Variants in TEAD1 observed in about 807,000 individuals in gnomAD.
TEAD1 encodes the protein transcriptional enhancer factor TEF-1.
TEAD1 carries 9 observed loss-of-function variants against 54.9 expected under a neutral mutation model. That is an observed-to-expected ratio of 0.16 (90% CI 0.10 to 0.29). The LOEUF is 0.29. Among genes scored for constraint, TEAD1 ranks in the 10% least tolerant of loss-of-function variants. The pLI is 1.00. For missense variants in TEAD1, 387 were observed against 535.9 expected (o/e 0.72, Z 2.74); for synonymous variants, 200 against 187.8 (o/e 1.07, Z -0.53).
intron 2 of TEAD1, among the ~76,000 whole-genome samples, chr11:12,732,985 A>G (rs943714516): frequency 6.6e-6 from 1 of 152,214 alleles, no homozygotes; most frequent in African/African-American, 2.4e-5. Flanking sequence ...CCAGAATTCA[A>G]GAGCTCTGAT....
intron 10 of TEAD1, among the ~76,000 whole-genome samples, chr11:12,909,516 GC>G (rs760765648): frequency 6.6e-6 from 1 of 150,554 alleles, no homozygotes; most frequent in Non-Finnish European, 1.5e-5. Flanking sequence ...ACATACCAGG[GC>G]CTGTTGCGGG....
chr11:12,724,503 G>T (rs1022929323), intron 2 of TEAD1, among the ~76,000 whole-genome samples: 1 of 152,212 alleles, frequency 6.6e-6, no homozygotes, highest in Non-Finnish European at 1.5e-5. Context: ...GGGGCAGGCC[G>T]CTGGCAAATT....
intron 3 of TEAD1, among the ~76,000 whole-genome samples, chr11:12,810,079 C>G (rs35202269): frequency 0.072 from 10,356 of 143,712 alleles, 506 homozygotes; most frequent in Non-Finnish European, 0.11. Flanking sequence ...CTCCTGGGTT[C>G]AAGCAGTTCT....
intron 3 of TEAD1, among the ~76,000 whole-genome samples, chr11:12,811,538 G>C (rs1182751877): frequency 6.6e-6 from 1 of 152,206 alleles, no homozygotes; most frequent in Non-Finnish European, 1.5e-5. Flanking sequence ...TCTTCTCCAA[G>C]GTCTGTGTGA....
intron 2 of TEAD1, among the ~76,000 whole-genome samples, chr11:12,748,314 T>C (rs1392096543): frequency 1.3e-5 from 2 of 152,124 alleles, no homozygotes; most frequent in Non-Finnish European, 2.9e-5. Context: ...AGCAAAAGTT[T>C]TTTGAGTTCC....
In TEAD1 at chr11:12,883,068, C is replaced by G. The variant is rs1948003206; in HGVS notation, c.642C>G (p.Thr214=). The G allele has an allele frequency of 6.2e-7, 1 of 1,614,210 alleles. No individual in the cohort carries two copies. The stretch of plus-strand genomic sequence containing the variant: ...GGCAAGGTCGCTCCATTGGCACAAC[C>G]AAGCTTCGCCTGGTGGAATTTTCAG... Residue 214 remains threonine, a synonymous_variant, in exon 9 of 13, where the codon ACC becomes ACG. Transcript: ENST00000527636.
At chr11:12,819,525 C>G (rs1024354038) in intron 3 of TEAD1, among the ~76,000 whole-genome samples, 1 of 152,114 alleles carries the variant, frequency 6.6e-6, no homozygotes, top group African/African-American at 2.4e-5. Flanking sequence ...TCTCGGCTCA[C>G]TGCAAGCTCC....
At chr11:12,776,289 C>T (rs918563031) in intron 3 of TEAD1, among the ~76,000 whole-genome samples, 3 of 152,168 alleles carry the variant, frequency 2.0e-5, no homozygotes, top group South Asian at 2.1e-4. Flanking sequence ...GAAAGGAAGA[C>T]GTCCACATCC....
At chr11:12,758,532 T>G (rs1334053313) in intron 2 of TEAD1, among the ~76,000 whole-genome samples, 1 of 149,308 alleles carries the variant, frequency 6.7e-6, no homozygotes, top group East Asian at 2.0e-4. Context: ...CACCTCAGCC[T>G]CCTGAGTAGC....
chr11:12,860,681 A>G (rs1329021873), intron 3 of TEAD1, among the ~76,000 whole-genome samples: 1 of 152,350 alleles, frequency 6.6e-6, no homozygotes, highest in African/African-American at 2.4e-5. Context: ...TGCTAGGGGG[A>G]CATTGAGGAA....
chr11:12,680,927 T>C (rs1352128933), intron 2 of TEAD1, among the ~76,000 whole-genome samples: 1 of 152,188 alleles, frequency 6.6e-6, no homozygotes, highest in Non-Finnish European at 1.5e-5. Flanking sequence ...AGCTTATCAA[T>C]AGCATTTTGA....
At chr11:12,857,361 ATGT>A (rs1050455736) in intron 3 of TEAD1, among the ~76,000 whole-genome samples, 9 of 152,182 alleles carry the variant, frequency 5.9e-5, no homozygotes, top group African/African-American at 1.9e-4. Flanking sequence ...AAGAGGTGAC[ATGT>A]TGTGCATTTC....
At chr11:12,923,328 C>T (rs1036142068) in intron 10 of TEAD1, among the ~76,000 whole-genome samples, 12 of 152,284 alleles carry the variant, frequency 7.9e-5, no homozygotes, top group Non-Finnish European at 1.6e-4. Flanking sequence ...GCCTAAGCCT[C>T]GTCTTCTTTC....
intron 9 of TEAD1, among the ~76,000 whole-genome samples, chr11:12,892,368 A>C (rs943962160): frequency 6.6e-6 from 1 of 152,150 alleles, no homozygotes; most frequent in African/African-American, 2.4e-5. Context: ...AGCCGGGCGC[A>C]GTGGTTCATG....
At chr11:12,804,414 T>G (rs1443883011) in intron 3 of TEAD1, among the ~76,000 whole-genome samples, 1 of 152,196 alleles carries the variant, frequency 6.6e-6, no homozygotes, top group Non-Finnish European at 1.5e-5. Flanking sequence ...AAAACTATAG[T>G]TTATACAATG....
At chr11:12,882,113 G>T (rs535267075) in intron 8 of TEAD1, among the ~76,000 whole-genome samples, 156 bp downstream of exon 8, 1 of 152,310 alleles carries the variant, frequency 6.6e-6, no homozygotes, top group South Asian at 2.1e-4. Context: ...TAGCTCAGGA[G>T]GGCCACAGGG....
At chr11:12,766,970 C>G (rs886449272) in intron 3 of TEAD1, among the ~76,000 whole-genome samples, 5 of 152,088 alleles carry the variant, frequency 3.3e-5, no homozygotes, top group Non-Finnish European at 7.4e-5. Flanking sequence ...AAACATCCCC[C>G]CTGAACTCCC....
chr11:12,902,066 C>A lies in TEAD1; in HGVS notation c.826C>A (p.Leu276Met). ...TGAAAAGAAAGGTGGCTTAAAGGAA[C>A]TGTTTGGAAAGGGCCCTCAAAATGC... Residue 276 changes from leucine (L) to methionine (M), a missense_variant, in exon 10 of 13, where the codon CTG (leucine) becomes ATG (methionine). By Grantham distance (15) the Leu-to-Met change is conservative. This residue lies in a region of TEAD1 where 123 missense variants were observed against 199.0 expected (regional missense o/e 0.62). Coordinates refer to ENST00000527636, the MANE Select transcript of TEAD1 (RefSeq NM_021961.6). The A allele has an allele frequency of 1.2e-6, 2 of 1,614,216 alleles. No individual in the cohort carries two copies. Among genetic ancestry groups the A allele is most frequent in the Non-Finnish European group, 1.7e-6 (2 of 1,180,050 alleles).
At chr11:12,712,240 A>G (rs540223947) in intron 2 of TEAD1, among the ~76,000 whole-genome samples, 3 of 152,220 alleles carry the variant, frequency 2.0e-5, no homozygotes, top group Admixed American at 2.0e-4. Flanking sequence ...ATTGGAGCAA[A>G]TCACTGTTCT....
Sources: gnomAD v4.1 joint callset for allele counts (sites outside exome capture counted in the v4.1 genomes callset) on GRCh38, gnomAD v4.1.1 for gene constraint, gnomAD v4.1.1 regional missense constraint, MANE v1.5 for transcripts, NCBI Gene and HGNC (gene_info 2026-07-23, HGNC 2026-07-21) for gene names.